BCORL1: variants seen among roughly 807,000 people sequenced by gnomAD.
BCORL1 encodes BCL6 corepressor like 1.
In BCORL1, 7 loss-of-function variants were observed where a neutral mutation model predicts 87.6. That is an observed-to-expected ratio of 0.08 (90% confidence interval 0.05 to 0.15). BCORL1 has a LOEUF of 0.15. Among genes scored for constraint, BCORL1 ranks in the 10% least tolerant of loss-of-function variants. The pLI is 1.00. For synonymous variants in BCORL1, 591 were observed against 634.4 expected (o/e 0.93, Z 1.03); for missense variants, 1,215 against 1,499.7 (o/e 0.81, Z 3.13).
chrX:130,023,412 C>G (rs1195003462), intron 6 of BCORL1, among the ~76,000 whole-genome samples: 1 of 111,642 alleles, frequency 9.0e-6, no homozygotes, highest in East Asian at 2.8e-4. Context: ...ATCGTCAGGG[C>G]TGGCAGAATC....
chrX:130,014,523 C>G lies in BCORL1; in HGVS notation c.1751C>G (p.Pro584Arg). 8.3e-7 allele frequency: 1 copy of G among 1,211,653 alleles called. No homozygotes were observed. The highest frequency in any genetic ancestry group is 1.1e-6 in the Non-Finnish European group (1 of 895,516). The change falls in exon 4 of 14, where the codon CCC (proline) becomes CGC (arginine). Residue 584 changes from proline to arginine, a missense_variant. Physicochemically the swap from Pro to Arg is moderately radical, Grantham distance 103. Transcript: ENST00000540052. ...SSAPPHPAKM[P>R]SGTEQQTEGT... ...GCCCCACCGCACCCCGCCAAGATGC[C>G]CAGTGGCACCGAGCAGCAAACAGAA...
intron 1 of BCORL1, among the ~76,000 whole-genome samples, chrX:129,983,333 C>T (rs77183634): frequency 5.6e-5 from 6 of 106,520 alleles, no homozygotes; most frequent in Admixed American, 5.1e-4. Flanking sequence ...AGGCTATGGT[C>T]TTGTTAACTA....
upstream of BCORL1, chrX:129,981,562 T>C (rs1396612667): frequency 9.2e-6 from 1 of 109,111 alleles, no homozygotes; most frequent in Non-Finnish European, 1.9e-5. Flanking sequence ...GATTCACCCC[T>C]AGCTCACTTC....
intron 8 of BCORL1, among the ~76,000 whole-genome samples, chrX:130,034,251 G>C (rs1159727191): frequency 8.9e-6 from 1 of 111,929 alleles, no homozygotes; most frequent in Non-Finnish European, 1.9e-5. Context: ...GTTGATCCTG[G>C]AGAGACTTCA....
At chrX:130,037,300 T>A (rs757155425) in intron 9 of BCORL1, 67 bp from the exon 10 acceptor site, 186 of 1,102,988 alleles carry the variant, frequency 1.7e-4, no homozygotes, top group Non-Finnish European at 2.1e-4. Flanking sequence ...GAGCTTTGAG[T>A]CTCAGGGTTA....
intron 9 of BCORL1, among the ~76,000 whole-genome samples, chrX:130,035,971 C>T (rs901825827): frequency 1.8e-5 from 2 of 113,023 alleles, no homozygotes; most frequent in Admixed American, 1.9e-4. Flanking sequence ...GCTGCACACA[C>T]AGCCGCTCTA....
Position 130,012,746 on chromosome X carries a change from A to C in BCORL1, c.177+78A>C, listed in dbSNP as rs1047972511. ...GCCTGGGAGGTGTGCCCAGCCTGCC[A>C]TCCCAGGAAGTGGGCAGGAAGGGAC... On this transcript the variant is annotated intron_variant, in intron 3 of 13. Transcript: ENST00000540052. The C allele has an allele frequency of 7.6e-6, 8 of 1,048,273 alleles. No individual in the cohort carries two copies. In the African/African-American group the frequency reaches 1.5e-4, roughly 19 times the overall value. The allele number at this position is 1,048,273 out of a possible 1,213,427, so 86.4% of individuals were successfully genotyped here. A position where few individuals can be genotyped will look rare whatever the true frequency, so the allele number is the denominator to read the frequency against.
In BCORL1 at chrX:130,013,666, G is replaced by A. The variant is rs752016473; in HGVS notation, c.894G>A (p.Ser298=). The part of the protein sequence containing the change: ...SAPPSGPVPL[S]APAPAPLSVP... ...CCCCTTCAGGCCCGGTTCCCTTGTC[G>A]GCTCCAGCTCCTGCCCCGCTTTCAG... is the stretch of plus-strand genomic sequence containing the variant. Residue 298 remains serine (S), a synonymous_variant, in exon 4 of 14, where the codon TCG becomes TCA. Transcript: ENST00000540052. 62 of 1,208,661 alleles carry A rather than the reference G, an allele frequency of 5.1e-5. No individual in the cohort carries two copies. Among genetic ancestry groups the A allele is most frequent in the Non-Finnish European group, 5.8e-5 (52 of 894,910 alleles).
At chrX:130,042,596 G>A (rs1180363219) in intron 11 of BCORL1, among the ~76,000 whole-genome samples, 3 of 112,494 alleles carry the variant, frequency 2.7e-5, no homozygotes, top group East Asian at 2.8e-4. Context: ...CCCAAAGGCT[G>A]TTTGTAGGGT....
chrX:129,982,910 C>T (rs1040321276), intron 1 of BCORL1, 148 bp downstream of exon 1: 2 of 110,146 alleles, frequency 1.8e-5, no homozygotes, highest in Non-Finnish European at 3.8e-5. Context: ...TTTTCTCTCT[C>T]CCCCAATCCC....
chrX:130,005,572 A>C (rs1207260747), intron 2 of BCORL1, among the ~76,000 whole-genome samples: 1 of 111,440 alleles, frequency 9.0e-6, no homozygotes, highest in Non-Finnish European at 1.9e-5. Context: ...CTACTCATTA[A>C]CAACTGTCAG....
At position 130,020,988 on chromosome X, in the gene BCORL1, C is replaced by T. The variant is rs201259468; in HGVS notation, c.3445C>T (p.Arg1149Trp). Reference protein sequence around the residue: ...VVRSSHRPKCRKLPSDPQEST... With the variant: ...VVRSSHRPKCWKLPSDPQEST... Reference sequence around the variant, plus strand: ...CTGACCCTCTACCTCTCCACAGTGCCGGAAGCTGCCCAGTGACCCCCAGGA... The same window carrying T: ...CTGACCCTCTACCTCTCCACAGTGCTGGAAGCTGCCCAGTGACCCCCAGGA... The change falls in exon 5 of 14, where the codon CGG (arginine) becomes TGG (tryptophan). Residue 1149 changes from arginine to tryptophan, a missense_variant. Physicochemically the swap from Arg to Trp is moderately radical, Grantham distance 101 (BLOSUM62 -3). Transcript: ENST00000540052. 2.3e-4 allele frequency: 267 copies of T among 1,166,259 alleles called. No individual in the cohort carries two copies. Among genetic ancestry groups the T allele is most frequent in the Non-Finnish European group, 5.1e-5 (45 of 879,677 alleles).
chrX:129,990,656 C>T (rs943874681), intron 1 of BCORL1, among the ~76,000 whole-genome samples: 3 of 111,979 alleles, frequency 2.7e-5, no homozygotes, highest in Middle Eastern at 4.6e-3. Context: ...GATTCTCTGT[C>T]CTCTTTCTTC....
Position 130,014,568 on chromosome X carries a change from C to T in BCORL1, c.1796C>T (p.Ser599Phe), listed in dbSNP as rs775509050. The T allele has an allele frequency of 8.3e-7, 1 of 1,211,735 alleles. No individual in the cohort carries two copies. The highest frequency in any genetic ancestry group is 1.8e-5 in the South Asian group (1 of 56,973). The change falls in exon 4 of 14, where the codon TCT becomes TTT. Residue 599 changes from serine (S) to phenylalanine (F), a missense_variant. Physicochemically the swap from Ser to Phe is radical, Grantham distance 155. This residue lies in a region of BCORL1 where 861 missense variants were observed against 1,010.0 expected (regional missense o/e 0.85). Coordinates refer to ENST00000540052, the MANE Select transcript of BCORL1 (RefSeq NM_001379451.1). ...QQTEGTSVTFSPLKSPPQLER... is the reference protein window; with the variant it reads ...QQTEGTSVTFFPLKSPPQLER... ...ACAGAAGGGACTTCCGTTACCTTCT[C>T]TCCTCTTAAGTCACCGCCACAGCTG... is the stretch of plus-strand genomic sequence containing the variant.
At chrX:129,982,035 A>G (rs1926147435), upstream of BCORL1, among the ~76,000 whole-genome samples, 1 of 110,162 alleles carries the variant, frequency 9.1e-6, no homozygotes, top group Non-Finnish European at 1.9e-5. Context: ...TGCCCGGCAG[A>G]GGAGATCTGG....
chrX:129,996,213 T>G (rs1927551739), intron 1 of BCORL1, among the ~76,000 whole-genome samples: 1 of 111,488 alleles, frequency 9.0e-6, no homozygotes, highest in Non-Finnish European at 1.9e-5. Context: ...TTTTCCTTAC[T>G]TATTAGTCAT....
chrX:130,018,035 C>T (rs1929566174), intron 4 of BCORL1, among the ~76,000 whole-genome samples: 1 of 112,013 alleles, frequency 8.9e-6, no homozygotes, highest in Non-Finnish European at 1.9e-5. Context: ...ATGGGAATAC[C>T]TCTTCAGGAG....
intron 1 of BCORL1, among the ~76,000 whole-genome samples, chrX:129,993,610 C>G (rs1927342561): frequency 9.0e-6 from 1 of 110,986 alleles, no homozygotes; most frequent in Non-Finnish European, 1.9e-5. Flanking sequence ...ATTGCTTGAG[C>G]CTGGGAGGTC....
At chrX:130,054,202 G>C (rs1375783038) in intron 13 of BCORL1, among the ~76,000 whole-genome samples, 1 of 112,238 alleles carries the variant, frequency 8.9e-6, no homozygotes, top group Admixed American at 9.4e-5. Flanking sequence ...TTTCAGAAGG[G>C]TGTCAAATGC....
Sources: allele counts gnomAD v4.1 joint callset (sites outside exome capture counted in the v4.1 genomes callset), GRCh38; gene constraint gnomAD v4.1.1; regional missense constraint gnomAD v4.1.1; transcripts MANE v1.5; gene names NCBI Gene and HGNC (gene_info 2026-07-23, HGNC 2026-07-21).